GPC6: variants seen among roughly 807,000 people sequenced by gnomAD.
GPC6 encodes the protein glypican-6.
In GPC6, 14 loss-of-function variants were observed where a neutral mutation model predicts 55.2. That is an observed-to-expected ratio of 0.25 (90% CI 0.17 to 0.40). The LOEUF (loss-of-function observed/expected upper bound fraction) is 0.40, where lower values mean the gene tolerates loss of function less well. Ranked by LOEUF, GPC6 falls within the 10% of genes least tolerant of loss-of-function variation. The pLI, the probability that GPC6 is intolerant of heterozygous loss-of-function variation, is 1.00. For missense variants in GPC6, 641 were observed against 708.5 expected (o/e 0.90, Z 1.08); for synonymous variants, 278 against 259.6 (o/e 1.07, Z -0.68).
At chr13:93,463,789 T>G (rs1376514942) in intron 1 of GPC6, among the ~76,000 whole-genome samples, 5 of 152,068 alleles carry the variant, frequency 3.3e-5, no homozygotes, top group South Asian at 2.1e-4. Context: ...TTTCTATCTA[T>G]CCTCAAGCAC....
intron 1 of GPC6, among the ~76,000 whole-genome samples, chr13:93,434,769 T>C (rs1877503628): frequency 6.6e-6 from 1 of 151,648 alleles, no homozygotes; most frequent in African/African-American, 2.4e-5. Context: ...TGCAGTGGCA[T>C]GATCTCAGCT....
chr13:94,210,618 CAG>C (rs1246350568), intron 4 of GPC6, among the ~76,000 whole-genome samples: 16 of 152,222 alleles, frequency 1.1e-4, no homozygotes, highest in African/African-American at 3.9e-4. Context: ...GTTTAAAACA[CAG>C]AGTTAAACAC....
At chr13:93,836,628 T>G (rs549297490) in intron 3 of GPC6, among the ~76,000 whole-genome samples, 4 of 152,318 alleles carry the variant, frequency 2.6e-5, no homozygotes, top group Non-Finnish European at 4.4e-5. Flanking sequence ...TCAATGATGT[T>G]TCTATGCTTA....
At chr13:94,154,666 C>T (rs1887863726) in intron 4 of GPC6, among the ~76,000 whole-genome samples, 1 of 152,098 alleles carries the variant, frequency 6.6e-6, no homozygotes, top group Non-Finnish European at 1.5e-5. Context: ...AGATCTTTTG[C>T]CCTTCCCACC....
chr13:93,518,265 C>T (rs1881279259), intron 1 of GPC6, among the ~76,000 whole-genome samples: 1 of 151,852 alleles, frequency 6.6e-6, no homozygotes, highest in African/African-American at 2.4e-5. Flanking sequence ...GTTTTGGAGA[C>T]TTCCCGGCTT....
intron 2 of GPC6, among the ~76,000 whole-genome samples, chr13:93,668,318 G>A (rs968734164): frequency 6.6e-6 from 1 of 152,122 alleles, no homozygotes; most frequent in Non-Finnish European, 1.5e-5. Context: ...GTAAAAAGTT[G>A]CCACTTAAAC....
intron 2 of GPC6, among the ~76,000 whole-genome samples, chr13:93,753,532 C>T (rs189843908): frequency 2.6e-5 from 4 of 152,128 alleles, no homozygotes; most frequent in African/African-American, 4.8e-5. Flanking sequence ...GTAATAAGCA[C>T]ATCATGAAGA....
At position 93,513,893 on chromosome 13, in the gene GPC6, TTC is replaced by T. The variant is rs1555306840; in HGVS notation, c.161-31369_161-31368del. Among the ~76,000 whole-genome samples, 25 of 149,122 alleles carry T rather than the reference TTC, an allele frequency of 1.7e-4. 1 individual carries two copies. The highest frequency in any genetic ancestry group is 2.2e-4 in the South Asian group (1 of 4,640). On this transcript the variant is annotated intron_variant, in intron 1 of 8. Coordinates refer to ENST00000377047, the MANE Select transcript of GPC6 (RefSeq NM_005708.5). ...AATGATGGCTTTTTTTTTTTTTTTT[TTC>T]GGTGTTTCACTCTCGTTGCCCAGGC...
intron 1 of GPC6, among the ~76,000 whole-genome samples, chr13:93,499,063 A>G (rs1383630245): frequency 1.3e-5 from 2 of 150,930 alleles, no homozygotes; most frequent in African/African-American, 4.9e-5. Flanking sequence ...AACAAAAATT[A>G]ACATAGTATA....
chr13:93,922,748 A>G (rs1028359314), intron 3 of GPC6, among the ~76,000 whole-genome samples: 3 of 152,228 alleles, frequency 2.0e-5, no homozygotes, highest in Non-Finnish European at 4.4e-5. Context: ...TTCCCATGGA[A>G]AAGCAACTGG....
intron 1 of GPC6, among the ~76,000 whole-genome samples, chr13:93,276,495 A>AGTGT (rs71675979): frequency 0.011 from 1,066 of 94,360 alleles, 7 homozygotes; most frequent in Middle Eastern, 0.018. Context: ...AGAGAGAGAG[A>AGTGT]GTGTGTGTGT....
chr13:94,336,640 C>T (rs1267718633), intron 6 of GPC6, among the ~76,000 whole-genome samples: 1 of 152,048 alleles, frequency 6.6e-6, no homozygotes, highest in Non-Finnish European at 1.5e-5. Flanking sequence ...AATATAGTGA[C>T]CTTCCGTGAA....
At chr13:93,849,826 A>G (rs1441026031) in intron 3 of GPC6, among the ~76,000 whole-genome samples, 1 of 152,114 alleles carries the variant, frequency 6.6e-6, no homozygotes, top group Non-Finnish European at 1.5e-5. Flanking sequence ...GTGGGTAAAC[A>G]GAAGAGAAAG....
At chr13:93,551,993 T>G (rs1875183885) in intron 2 of GPC6, among the ~76,000 whole-genome samples, 1 of 152,196 alleles carries the variant, frequency 6.6e-6, no homozygotes, top group Non-Finnish European at 1.5e-5. Context: ...TTCTGTGGAT[T>G]GTGCTGCGGC....
At chr13:93,460,596 T>A (rs898635835) in intron 1 of GPC6, among the ~76,000 whole-genome samples, 4 of 152,138 alleles carry the variant, frequency 2.6e-5, no homozygotes, top group Admixed American at 6.5e-5. Context: ...AACATGTAAG[T>A]TTTTCAGTGA....
intron 6 of GPC6, among the ~76,000 whole-genome samples, chr13:94,337,909 T>C (rs781122440): frequency 3.9e-5 from 6 of 152,202 alleles, no homozygotes; most frequent in Non-Finnish European, 7.3e-5. Flanking sequence ...CTGTGCCATC[T>C]GCCAAGTCCT....
chr13:93,386,408 A>C (rs1875408617), intron 1 of GPC6, among the ~76,000 whole-genome samples: 1 of 152,154 alleles, frequency 6.6e-6, no homozygotes, highest in Non-Finnish European at 1.5e-5. Flanking sequence ...CAGGAATAAA[A>C]TTTATGGAAG....
At position 93,331,994 on chromosome 13, in the gene GPC6, A is replaced by G. The variant is rs186608103; in HGVS notation, c.160+104378A>G. Among the ~76,000 whole-genome samples, 452 of 152,248 alleles carry G rather than the reference A, an allele frequency of 3.0e-3. 1 individual carries two copies. The highest frequency in any genetic ancestry group is 5.3e-3 in the Non-Finnish European group (362 of 67,972). On this transcript the variant is annotated intron_variant, in intron 1 of 8. Transcript: ENST00000377047. The stretch of plus-strand genomic sequence containing the variant: ...TTCTCTGCCTGGCTTATTTCACTTA[A>G]CATGATGTCCTCCAGATCATCCCTT...
At chr13:93,887,499 C>A (rs1447473170) in intron 3 of GPC6, among the ~76,000 whole-genome samples, 2 of 152,104 alleles carry the variant, frequency 1.3e-5, no homozygotes, top group Non-Finnish European at 2.9e-5. Context: ...ATGATTCTGT[C>A]TTACGTGTTA....
Sources: gnomAD v4.1 joint callset for allele counts (sites outside exome capture counted in the v4.1 genomes callset) on GRCh38, gnomAD v4.1.1 for gene constraint, MANE v1.5 for transcripts, NCBI Gene and HGNC (gene_info 2026-07-23, HGNC 2026-07-21) for gene names.